LRRC7: variants seen among roughly 807,000 people sequenced by gnomAD.
LRRC7 encodes the protein leucine-rich repeat-containing protein 7.
LRRC7 carries 23 observed loss-of-function variants against 175.7 expected under a neutral mutation model. The observed-to-expected ratio is 0.13, with a 90% confidence interval of 0.09 to 0.19. The LOEUF (loss-of-function observed/expected upper bound fraction) is 0.19, where lower values mean the gene tolerates loss of function less well. Among genes scored for constraint, LRRC7 ranks in the 10% least tolerant of loss-of-function variants. LRRC7 has a pLI of 1.00. For missense variants in LRRC7, 1,354 were observed against 1,904.7 expected, an observed-to-expected ratio of 0.71 and a Z score of 5.38; for synonymous variants, 685 against 680.9, an observed-to-expected ratio of 1.01 and a Z score of -0.09.
At chr1:69,669,079 T>C (rs1222767279) in intron 1 of LRRC7, among the ~76,000 whole-genome samples, 1 of 152,226 alleles carries the variant, frequency 6.6e-6, no homozygotes, top group Non-Finnish European at 1.5e-5. Flanking sequence ...CATCCTTTAG[T>C]CTCTCTACTT....
chr1:70,059,600 C>CT (rs777589890), intron 23 of LRRC7, among the ~76,000 whole-genome samples: 2 of 136,036 alleles, frequency 1.5e-5, no homozygotes. Flanking sequence ...TTCTAAAATA[C>CT]TTTTTTAAAG....
At chr1:69,713,321 C>CA (rs35881173) in intron 2 of LRRC7, among the ~76,000 whole-genome samples, 20,076 of 149,420 alleles carry the variant, frequency 0.13, 1,689 homozygotes, top group South Asian at 0.21. Context: ...CTTGGTCTCT[C>CA]AAAAAAAAAT....
At chr1:69,808,415 A>G (rs1442185873) in intron 4 of LRRC7, among the ~76,000 whole-genome samples, 1 of 152,092 alleles carries the variant, frequency 6.6e-6, no homozygotes, top group African/African-American at 2.4e-5. Context: ...AGCGCACCTA[A>G]CAGACATCTA....
In LRRC7 at chr1:69,865,469, C is replaced by CTTTTTTTTTTT. The variant is rs532063540; in HGVS notation, c.647+27201_647+27211dup. Among the ~76,000 whole-genome samples, 123 of 51,264 alleles carry CTTTTTTTTTTT rather than the reference C, an allele frequency of 2.4e-3. 30 individuals are homozygous for CTTTTTTTTTTT. Among genetic ancestry groups the CTTTTTTTTTTT allele is most frequent in the South Asian group, 6.4e-3 (7 of 1,086 alleles). The allele number at this position is 51,264 out of a possible 152,430, so 33.6% of individuals were successfully genotyped here. A position where few individuals can be genotyped will look rare whatever the true frequency, so the allele number is the denominator to read the frequency against. On this transcript the variant is annotated intron_variant, in intron 7 of 26. Coordinates refer to ENST00000651989, the MANE Select transcript of LRRC7 (RefSeq NM_001370785.2). ...ATAAGCAAGCTGCTGAAGACAGTTCCTTTTTTTTTTTTTTTTTTTTTTTTT... is the reference window on the plus strand; with the variant it reads ...ATAAGCAAGCTGCTGAAGACAGTTCCTTTTTTTTTTTTTTTTTTTTTTTTTTTTTTTTTTTT...
intron 2 of LRRC7, among the ~76,000 whole-genome samples, chr1:69,706,587 T>C (rs565945834): frequency 6.6e-6 from 1 of 152,342 alleles, no homozygotes; most frequent in South Asian, 2.1e-4. Flanking sequence ...GTGTACTGTT[T>C]TTTTAAAGCT....
rs553967281 is a variant in LRRC7 at position 69,635,471 on chromosome 1, G to A, written c.3-42910G>A. ...AGAATCTAAAATAGATAATAGATAAGGTCAAAAAGCAAAAATCAGAGGTAA... is the reference window on the plus strand; with the variant it reads ...AGAATCTAAAATAGATAATAGATAAAGTCAAAAAGCAAAAATCAGAGGTAA... On this transcript the variant is annotated intron_variant, in intron 1 of 26. Transcript: ENST00000651989. 1.3e-3 allele frequency among the ~76,000 whole-genome samples: 199 copies of A among 152,036 alleles called. 1 individual carries two copies. Among genetic ancestry groups the A allele is most frequent in the Middle Eastern group, 0.01 (3 of 294 alleles).
At chr1:69,721,312 T>C (rs535976511) in intron 2 of LRRC7, among the ~76,000 whole-genome samples, 1 of 151,940 alleles carries the variant, frequency 6.6e-6, no homozygotes. Context: ...TAATGACTTA[T>C]ATCCACAATT....
chr1:69,786,368 T>G (rs992140490), intron 3 of LRRC7, among the ~76,000 whole-genome samples: 5 of 152,102 alleles, frequency 3.3e-5, no homozygotes, highest in Non-Finnish European at 7.4e-5. Flanking sequence ...TCCTTCTTCC[T>G]TTCCTTCCCT....
chr1:69,630,171 T>C (rs1375308221), intron 1 of LRRC7, among the ~76,000 whole-genome samples: 1 of 152,040 alleles, frequency 6.6e-6, no homozygotes, highest in Non-Finnish European at 1.5e-5. Flanking sequence ...TCCTTCCTCA[T>C]TTTAACTTCT....
intron 24 of LRRC7, among the ~76,000 whole-genome samples, chr1:70,085,371 A>T (rs138802368): frequency 1.8e-4 from 28 of 152,154 alleles, no homozygotes; most frequent in Non-Finnish European, 2.8e-4. Flanking sequence ...TCCCAGCACC[A>T]TTTACTGAAA....
At chr1:69,774,805 TG>T (rs1672636735) in intron 3 of LRRC7, among the ~76,000 whole-genome samples, 1 of 152,114 alleles carries the variant, frequency 6.6e-6, no homozygotes, top group Non-Finnish European at 1.5e-5. Context: ...GTGGCTTTGG[TG>T]GTGAGAGATG....
Position 70,038,455 on chromosome 1 carries a change from C to T in LRRC7, c.2631C>T (p.Ser877=), listed in dbSNP as rs747551936. 2.5e-6 allele frequency: 4 copies of T among 1,614,110 alleles called. No homozygotes were observed. The highest frequency in any genetic ancestry group is 2.2e-5 in the South Asian group (2 of 91,082). The change falls in exon 21 of 27, where the codon TCC becomes TCT. Residue 877 remains serine (S), a synonymous_variant. Transcript: ENST00000651989. ...CACCAGAAACAGAAGTGCCTCCTTC[C>T]AATCCTTGGCAGAATTGGACCAGAA... The part of the protein sequence containing the change: ...RHTPETEVPP[S]NPWQNWTRTP...
At chr1:69,871,110 T>C (rs1256342062) in intron 7 of LRRC7, among the ~76,000 whole-genome samples, 2 of 152,120 alleles carry the variant, frequency 1.3e-5, no homozygotes, top group South Asian at 2.1e-4. Flanking sequence ...GTTTATACAA[T>C]GTATTTTAAG....
chr1:70,028,411 T>C (rs980668219), intron 18 of LRRC7, 40 bp downstream of exon 18: 1 of 1,556,090 alleles, frequency 6.4e-7, no homozygotes, highest in Non-Finnish European at 8.8e-7. Flanking sequence ...GTGGTTTGGA[T>C]TTTTTGGAAT....
chr1:69,677,541 A>G (rs1057457271), intron 1 of LRRC7, among the ~76,000 whole-genome samples: 7 of 152,000 alleles, frequency 4.6e-5, no homozygotes, highest in African/African-American at 1.7e-4. Context: ...ACAGCAGTGT[A>G]TAAGTGTTCC....
chr1:69,902,606 C>T (rs529672961), intron 7 of LRRC7, among the ~76,000 whole-genome samples: 18 of 151,998 alleles, frequency 1.2e-4, no homozygotes, highest in African/African-American at 3.6e-4. Flanking sequence ...TTTTCAGAGA[C>T]GTTATAAAGT....
intron 23 of LRRC7, among the ~76,000 whole-genome samples, chr1:70,070,300 G>C (rs1406612991): frequency 6.6e-6 from 1 of 152,094 alleles, no homozygotes; most frequent in Non-Finnish European, 1.5e-5. Context: ...CGGGATCTTT[G>C]CTGAGACTTT....
At chr1:69,840,598 G>A (rs1459706060) in intron 7 of LRRC7, among the ~76,000 whole-genome samples, 1 of 151,966 alleles carries the variant, frequency 6.6e-6, no homozygotes, top group Non-Finnish European at 1.5e-5. Flanking sequence ...CATCCTTTAA[G>A]CAAACTGATG....
At chr1:69,890,682 C>G (rs1381223306) in intron 7 of LRRC7, among the ~76,000 whole-genome samples, 1 of 152,156 alleles carries the variant, frequency 6.6e-6, no homozygotes, top group Non-Finnish European at 1.5e-5. Context: ...CAAAGGAAGG[C>G]TATTTTATCT....
Sources: gnomAD v4.1 joint callset for allele counts (sites outside exome capture counted in the v4.1 genomes callset) on GRCh38, gnomAD v4.1.1 for gene constraint, MANE v1.5 for transcripts, NCBI Gene and HGNC (gene_info 2026-07-23, HGNC 2026-07-21) for gene names.